Variants in FTO observed in about 807,000 individuals in gnomAD.
FTO encodes FTO alpha-ketoglutarate dependent dioxygenase.
A neutral mutation model predicts 63.9 loss-of-function variants in FTO; 47 were observed. The ratio of observed to expected loss-of-function variants is 0.74; its 90% CI spans 0.58 to 0.94. FTO has a LOEUF of 0.94. Ranked by LOEUF, FTO falls within the 40% of genes least tolerant of loss-of-function variation. The pLI is 0.00. For synonymous variants in FTO, 207 were observed against 224.4 expected (o/e 0.92, Z 0.69); for missense variants, 562 against 618.1 (o/e 0.91, Z 0.96).
intron 1 of FTO, among the ~76,000 whole-genome samples, chr16:53,792,420 G>C (rs185124739): frequency 6.6e-6 from 1 of 152,326 alleles, no homozygotes; most frequent in African/African-American, 2.4e-5. Context: ...CCGAAAGCCA[G>C]ACAGCGACAG....
chr16:54,024,004 A>C (rs558222048), intron 8 of FTO, among the ~76,000 whole-genome samples: 1 of 152,274 alleles, frequency 6.6e-6, no homozygotes, highest in Admixed American at 6.5e-5. Context: ...TGCGTTGTTT[A>C]TATACTATTT....
chr16:53,934,080 C>T lies in FTO; in HGVS notation c.1335C>T (p.Arg445=), dbSNP rs1290341402. ...CCATCCTTGCCTCGCTCACTGCACGCCAGAACCTGAGGAGAGAATGGCATG... is the reference window on the plus strand; with the variant it reads ...CCATCCTTGCCTCGCTCACTGCACGTCAGAACCTGAGGAGAGAATGGCATG... The part of the protein sequence containing the change: ...LTAILASLTA[R]QNLRREWHAR... Residue 445 remains arginine (R), a synonymous_variant, in exon 8 of 9, where the codon CGC becomes CGT. Coordinates refer to ENST00000471389, the MANE Select transcript of FTO (RefSeq NM_001080432.3). The T allele has an allele frequency of 1.9e-6, 3 of 1,614,150 alleles. No homozygotes were observed. Among genetic ancestry groups the T allele is most frequent in the East Asian group, 2.2e-5 (1 of 44,882 alleles).
intron 8 of FTO, among the ~76,000 whole-genome samples, chr16:54,089,586 G>A (rs572407152): frequency 1.3e-5 from 2 of 152,098 alleles, no homozygotes; most frequent in African/African-American, 4.8e-5. Flanking sequence ...TGCTACCAAG[G>A]TGAAAAAAAT....
intron 7 of FTO, among the ~76,000 whole-genome samples, chr16:53,911,028 A>G (rs930837315): frequency 6.6e-6 from 1 of 152,262 alleles, no homozygotes; most frequent in Non-Finnish European, 1.5e-5. Context: ...GGTATACCGA[A>G]CATCTCAGAA....
chr16:54,009,335 G>A (rs986848482), intron 8 of FTO, among the ~76,000 whole-genome samples: 2 of 152,140 alleles, frequency 1.3e-5, no homozygotes, highest in Admixed American at 6.5e-5. Flanking sequence ...TTCTCTGCAA[G>A]TTTAAAATGA....
At chr16:54,080,743 G>A (rs1236055699) in intron 8 of FTO, among the ~76,000 whole-genome samples, 1 of 152,204 alleles carries the variant, frequency 6.6e-6, no homozygotes, top group Non-Finnish European at 1.5e-5. Flanking sequence ...CTGTTGTCCT[G>A]TTATGAAGAA....
In FTO at chr16:53,918,474, T is replaced by C. The variant is rs1448258629; in HGVS notation, c.1240-15511T>C. Among the ~76,000 whole-genome samples the C allele has an allele frequency of 2.6e-5, 4 of 152,248 alleles. No individual in the cohort carries two copies. In the East Asian group the frequency reaches 7.7e-4, roughly 29 times the overall value. Reference sequence around the variant, plus strand: ...TATGAGACCACTGTCATATATGTGATCTGTCATTGACTGGAACATCATTAT... The same window carrying C: ...TATGAGACCACTGTCATATATGTGACCTGTCATTGACTGGAACATCATTAT... On this transcript the variant is annotated intron_variant, in intron 7 of 8. Coordinates refer to ENST00000471389, the MANE Select transcript of FTO (RefSeq NM_001080432.3).
chr16:53,839,757 A>G (rs2079407964), intron 3 of FTO, among the ~76,000 whole-genome samples: 1 of 150,284 alleles, frequency 6.7e-6, no homozygotes. Context: ...TCAAGTCATT[A>G]TAATTGGTTT....
chr16:53,939,247 T>C (rs1214556086), intron 8 of FTO, among the ~76,000 whole-genome samples: 3 of 152,206 alleles, frequency 2.0e-5, no homozygotes, highest in African/African-American at 7.2e-5. Context: ...TGACTATCTA[T>C]GTCTGGGGGC....
At chr16:53,867,493 A>ATGTGTGTGTG (rs150516029) in intron 4 of FTO, among the ~76,000 whole-genome samples, 31 of 140,428 alleles carry the variant, frequency 2.2e-4, no homozygotes, top group African/African-American at 7.7e-4. Context: ...TACGCCACAT[A>ATGTGTGTGTG]TGTGTGTGTG....
chr16:53,925,042 CT>C (rs1187845464), intron 7 of FTO, among the ~76,000 whole-genome samples: 6 of 137,890 alleles, frequency 4.4e-5, no homozygotes, highest in Non-Finnish European at 7.8e-5. Context: ...TGCCTTTCTT[CT>C]TTTTTTTCTT....
At chr16:54,004,678 G>C (rs1478905980) in intron 8 of FTO, among the ~76,000 whole-genome samples, 1 of 152,116 alleles carries the variant, frequency 6.6e-6, no homozygotes. Context: ...ACATACATGT[G>C]AGAATTTTCC....
intron 1 of FTO, among the ~76,000 whole-genome samples, chr16:53,746,914 A>C (rs1009114614): frequency 6.6e-6 from 1 of 152,100 alleles, no homozygotes; most frequent in Non-Finnish European, 1.5e-5. Context: ...CTTTGAGTTC[A>C]GTTGTTTTTG....
intron 6 of FTO, among the ~76,000 whole-genome samples, chr16:53,884,715 C>T (rs1394451737): frequency 2.6e-5 from 4 of 152,188 alleles, no homozygotes; most frequent in Non-Finnish European, 4.4e-5. Flanking sequence ...TAGCTTTGCT[C>T]TCCAATGCCT....
chr16:53,744,626 C>T (rs570168472), intron 1 of FTO, among the ~76,000 whole-genome samples: 1 of 152,346 alleles, frequency 6.6e-6, no homozygotes, highest in African/African-American at 2.4e-5. Flanking sequence ...ACTTCTACCT[C>T]TTTGTTCCCC....
chr16:53,944,000 T>A (rs2082599465), intron 8 of FTO, among the ~76,000 whole-genome samples: 1 of 152,210 alleles, frequency 6.6e-6, no homozygotes, highest in African/African-American at 2.4e-5. Context: ...CAAATCTCTC[T>A]GAAGAGAGAA....
intron 1 of FTO, among the ~76,000 whole-genome samples, chr16:53,803,129 A>G (rs534027206): frequency 2.6e-5 from 4 of 152,334 alleles, no homozygotes; most frequent in African/African-American, 9.6e-5. Context: ...TTGGATGACA[A>G]ACATTGTAAA....
At chr16:53,895,497 A>T (rs754026241) in intron 7 of FTO, among the ~76,000 whole-genome samples, 2 of 152,232 alleles carry the variant, frequency 1.3e-5, no homozygotes, top group Non-Finnish European at 2.9e-5. Flanking sequence ...ACCCCTTTAG[A>T]GAATTTCACA....
At chr16:53,993,469 C>G (rs903716817) in intron 8 of FTO, 3 of 152,058 alleles carry the variant, frequency 2.0e-5, no homozygotes, top group African/African-American at 7.2e-5. Flanking sequence ...AAACATGAAG[C>G]CATGGAGTAA....
Sources: allele counts gnomAD v4.1 joint callset (sites outside exome capture counted in the v4.1 genomes callset), GRCh38; gene constraint gnomAD v4.1.1; transcripts MANE v1.5; gene names NCBI Gene and HGNC (gene_info 2026-07-23, HGNC 2026-07-21).